The following ADCY2 variants were observed in gnomAD, a reference collection of about 807,000 sequenced individuals.
The protein encoded by ADCY2 is adenylate cyclase type 2.
A neutral mutation model predicts 125.2 loss-of-function variants in ADCY2; 31 were observed. That is an observed-to-expected ratio of 0.25 (90% CI 0.19 to 0.33). The LOEUF is 0.33. ADCY2 is among the 10% of genes least tolerant of loss of function. ADCY2 has a pLI of 1.00. For synonymous variants in ADCY2, 512 were observed against 548.4 expected (o/e 0.93, Z 0.93); for missense variants, 904 against 1,418.2 (o/e 0.64, Z 5.82).
chr5:7,753,349 G>A (rs1742886179), intron 15 of ADCY2, among the ~76,000 whole-genome samples: 1 of 152,198 alleles, frequency 6.6e-6, no homozygotes. Context: ...CGATCATGGG[G>A]TTCAGTGAGA....
intron 20 of ADCY2, among the ~76,000 whole-genome samples, chr5:7,792,672 T>A (rs1744290696): frequency 6.6e-6 from 1 of 152,184 alleles, no homozygotes; most frequent in African/African-American, 2.4e-5. Context: ...AGAATACAGT[T>A]ACCCTCCTTG....
chr5:7,662,924 C>T (rs1041927292), intron 4 of ADCY2, among the ~76,000 whole-genome samples: 7 of 152,220 alleles, frequency 4.6e-5, no homozygotes, highest in Non-Finnish European at 7.3e-5. Context: ...CCCAAACCAT[C>T]GTCTGTTTAA....
chr5:7,732,631 T>C (rs192801554), intron 14 of ADCY2, among the ~76,000 whole-genome samples: 153 of 152,378 alleles, frequency 1.0e-3, no homozygotes, highest in African/African-American at 3.4e-3. Context: ...TCACTTCTGT[T>C]GACTTTGTTT....
chr5:7,784,462 T>C lies in ADCY2; in HGVS notation c.2469+13T>C, dbSNP rs1400646513. On this transcript the variant is annotated intron_variant, in intron 19 of 24. Coordinates refer to ENST00000338316, the MANE Select transcript of ADCY2 (RefSeq NM_020546.3). ...TCTGGGTAGACAGGTAAGAAGTCTG[T>C]TTATATATATGTATGTATACCTTCT... The C allele has an allele frequency of 5.0e-6, 8 of 1,590,180 alleles. No individual in the cohort carries two copies. The highest frequency in any genetic ancestry group is 3.3e-5 in the South Asian group (3 of 90,542).
At chr5:7,811,512 G>GA (rs1407938143) in intron 22 of ADCY2, among the ~76,000 whole-genome samples, 2 of 129,808 alleles carry the variant, frequency 1.5e-5, no homozygotes, top group African/African-American at 4.5e-5. Flanking sequence ...AAAAAAAAAA[G>GA]AAAAAAAATC....
intron 3 of ADCY2, among the ~76,000 whole-genome samples, chr5:7,561,871 T>G (rs989729110): frequency 2.6e-5 from 4 of 152,202 alleles, no homozygotes; most frequent in African/African-American, 9.6e-5. Flanking sequence ...ATTCTCCAAG[T>G]TGCCAATTTG....
intron 3 of ADCY2, among the ~76,000 whole-genome samples, chr5:7,556,506 C>T (rs72709194): frequency 0.15 from 22,446 of 152,200 alleles, 2,187 homozygotes; most frequent in South Asian, 0.22. Flanking sequence ...AGCTTTAATT[C>T]TGCCAGTGGT....
At chr5:7,774,353 A>G (rs1231235136) in intron 18 of ADCY2, among the ~76,000 whole-genome samples, 2 of 152,270 alleles carry the variant, frequency 1.3e-5, no homozygotes, top group African/African-American at 4.8e-5. Context: ...TAATTTTCCA[A>G]TAAATTCTCA....
intron 20 of ADCY2, chr5:7,794,109 A>G (rs530649243): frequency 6.6e-6 from 1 of 152,284 alleles, no homozygotes; most frequent in African/African-American, 2.4e-5. Flanking sequence ...TGGACACTGA[A>G]CCTTAAATCA....
chr5:7,802,255 T>C lies in ADCY2; in HGVS notation c.2666T>C (p.Met889Thr). The C allele has an allele frequency of 6.2e-7, 1 of 1,614,088 alleles. No individual in the cohort carries two copies. Among genetic ancestry groups the C allele is most frequent in the Middle Eastern group, 1.7e-4 (1 of 6,040 alleles). ...CAGTCCTATGACTGCGTCTGCGTCA[T>C]GTTTGCCTCCATTCCGGATTTCAAA... is the stretch of plus-strand genomic sequence containing the variant. ...YHQSYDCVCV[M>T]FASIPDFKEF... Residue 889 changes from methionine to threonine, a missense_variant, in exon 21 of 25, where the codon ATG becomes ACG. Met to Thr is a moderately conservative substitution (Grantham distance 81). Coordinates refer to ENST00000338316, the MANE Select transcript of ADCY2 (RefSeq NM_020546.3). The surrounding 1 kb of genome is among the most constrained non-coding windows in gnomAD (Gnocchi z 4.6).
chr5:7,465,583 A>G (rs569209767), intron 2 of ADCY2, among the ~76,000 whole-genome samples: 2 of 152,302 alleles, frequency 1.3e-5, no homozygotes, highest in African/African-American at 4.8e-5. Flanking sequence ...AGTCCCTGAG[A>G]ATGCAGACAC....
At chr5:7,623,820 A>G (rs1168427096) in intron 3 of ADCY2, among the ~76,000 whole-genome samples, 1 of 152,162 alleles carries the variant, frequency 6.6e-6, no homozygotes, top group Non-Finnish European at 1.5e-5. Context: ...TCAAGCATGC[A>G]TTTCACACAC....
rs1465025030 is a variant in ADCY2, at chr5:7,498,271, C to T, written c.409-22467C>T. On this transcript the variant is annotated intron_variant, in intron 2 of 24. Coordinates refer to ENST00000338316, the MANE Select transcript of ADCY2 (RefSeq NM_020546.3). Reference sequence around the variant, plus strand: ...TTTTTTTTTTTTTTTTTTTTTAAGACAGAGTCTCGCTCTATCGCCCAGGCT... The same window carrying T: ...TTTTTTTTTTTTTTTTTTTTTAAGATAGAGTCTCGCTCTATCGCCCAGGCT... Among the ~76,000 whole-genome samples, 6 of 98,360 alleles carry T rather than the reference C, an allele frequency of 6.1e-5. No individual in the cohort carries two copies. In the Admixed American group the frequency reaches 9.2e-4, roughly 15 times the overall value. The allele number at this position is 98,360 out of a possible 152,430, so 64.5% of individuals were successfully genotyped here.
chr5:7,518,095 G>T (rs1744315030), intron 2 of ADCY2, among the ~76,000 whole-genome samples: 1 of 152,262 alleles, frequency 6.6e-6, no homozygotes, highest in African/African-American at 2.4e-5. Flanking sequence ...TGCTCAATAA[G>T]CTATAAATAC....
intron 10 of ADCY2, among the ~76,000 whole-genome samples, chr5:7,710,446 G>T (rs1005594048): frequency 6.6e-6 from 1 of 152,176 alleles, no homozygotes; most frequent in Non-Finnish European, 1.5e-5. Flanking sequence ...AGGGCCATGA[G>T]GAAGATAAAA....
At chr5:7,746,636 TG>T (rs1742634166) in intron 15 of ADCY2, among the ~76,000 whole-genome samples, 2 of 152,224 alleles carry the variant, frequency 1.3e-5, no homozygotes, top group East Asian at 3.9e-4. Flanking sequence ...TATAATGATT[TG>T]CATTTATTAT....
intron 12 of ADCY2, among the ~76,000 whole-genome samples, chr5:7,723,555 T>A (rs114298895): frequency 0.013 from 2,022 of 152,288 alleles, 44 homozygotes; most frequent in African/African-American, 0.046. Context: ...ACATAGTACT[T>A]ATGCATGCGT....
At chr5:7,751,401 G>A (rs894523684) in intron 15 of ADCY2, among the ~76,000 whole-genome samples, 2 of 152,072 alleles carry the variant, frequency 1.3e-5, no homozygotes, top group African/African-American at 2.4e-5. Flanking sequence ...TTATTGTGAG[G>A]TTATGTTCAG....
At chr5:7,823,963 G>C (rs1745383746) in intron 24 of ADCY2, among the ~76,000 whole-genome samples, 1 of 152,196 alleles carries the variant, frequency 6.6e-6, no homozygotes, top group Non-Finnish European at 1.5e-5. Context: ...ACAGGTTTCT[G>C]CCTGTCAGTA....
Sources: allele counts gnomAD v4.1 joint callset (sites outside exome capture counted in the v4.1 genomes callset), GRCh38; gene constraint gnomAD v4.1.1; non-coding constraint Gnocchi (gnomAD v3.1); transcripts MANE v1.5; gene names NCBI Gene and HGNC (gene_info 2026-07-23, HGNC 2026-07-21).